Variants in TRIM5 observed in about 807,000 individuals in gnomAD.
TRIM5 encodes the protein tripartite motif containing 5.
A neutral mutation model predicts 35.6 loss-of-function variants in TRIM5; 31 were observed. That is an observed-to-expected ratio of 0.87 (90% CI 0.65 to 1.18). The LOEUF (loss-of-function observed/expected upper bound fraction) is 1.18. Among genes scored for constraint, TRIM5 ranks in the 50% most tolerant of loss-of-function variants. TRIM5 has a pLI of 0.00. For synonymous variants in TRIM5, 243 were observed against 215.6 expected (o/e 1.13, Z -1.11); for missense variants, 609 against 591.6 (o/e 1.03, Z -0.31).
chr11:5,671,703 T>C (rs190489182), intron 4 of TRIM5, among the ~76,000 whole-genome samples: 1 of 152,170 alleles, frequency 6.6e-6, no homozygotes, highest in East Asian at 1.9e-4. Context: ...AATGTAGCAA[T>C]GTACATGTAA....
chr11:5,631,973 C>A, the TRIM5 span, among the ~76,000 whole-genome samples: 1 of 152,168 alleles, frequency 6.6e-6, no homozygotes, highest in African/African-American at 2.4e-5. Flanking sequence ...TTTGTCTTAG[C>A]AGCCCTTCTG....
chr11:5,610,489 G>A, the TRIM5 span: 1 of 1,613,810 alleles, frequency 6.2e-7, no homozygotes, highest in Non-Finnish European at 8.5e-7. Flanking sequence ...CCAGACATGA[G>A]ACAGTTGGTC....
chr11:5,594,046 G>A, the TRIM5 span, among the ~76,000 whole-genome samples: 1 of 152,150 alleles, frequency 6.6e-6, no homozygotes, highest in Non-Finnish European at 1.5e-5. Context: ...GGACATTTGT[G>A]TACAAATCTT....
In TRIM5 at chr11:5,664,777, C is replaced by A. The variant is rs369543137; in HGVS notation, c.*32G>T. ...ATGAGATGCACCTGGACAAGAGGTG[C>A]TGTACAGAAGGGGCTGAGTGTGTAA... On this transcript the variant is annotated 3_prime_UTR_variant, in exon 8 of 8. Transcript: ENST00000380034. The A allele has an allele frequency of 4.1e-5, 63 of 1,541,154 alleles. No homozygotes were observed. The African/African-American group carries it at 8.0e-4, about 20-fold the overall frequency.
intron 4 of TRIM5, among the ~76,000 whole-genome samples, chr11:5,672,628 A>T (rs1163583161): frequency 1.3e-5 from 2 of 152,226 alleles, no homozygotes; most frequent in African/African-American, 2.4e-5. Flanking sequence ...AAATACTATA[A>T]AATGTGAGTT....
At chr11:5,614,761 A>T in the TRIM5 span, among the ~76,000 whole-genome samples, 1 of 152,366 alleles carries the variant, frequency 6.6e-6, no homozygotes, top group East Asian at 1.9e-4. Flanking sequence ...ATTCTAACTT[A>T]AAAATAATCT....
downstream of TRIM5, among the ~76,000 whole-genome samples, chr11:5,659,403 T>C (rs769202842): frequency 2.0e-5 from 3 of 152,202 alleles, no homozygotes; most frequent in Non-Finnish European, 4.4e-5. Context: ...TAACTCAGTG[T>C]CTTCCCCATC....
At chr11:5,682,732 A>C (rs960998256) in intron 1 of TRIM5, among the ~76,000 whole-genome samples, 4 of 152,184 alleles carry the variant, frequency 2.6e-5, no homozygotes, top group African/African-American at 7.2e-5. Flanking sequence ...CCAAACAAGA[A>C]AATCTCCACC....
At chr11:5,589,413 G>A in the TRIM5 span, 5 of 152,066 alleles carry the variant, frequency 3.3e-5, no homozygotes, top group African/African-American at 7.2e-5. Flanking sequence ...AAATAGACAT[G>A]TATTTGATGA....
chr11:5,644,484 G>A, the TRIM5 span: 11 of 380,088 alleles, frequency 2.9e-5, no homozygotes, highest in African/African-American at 1.7e-4. Context: ...CATTTTTCAA[G>A]TTCCCAGACT....
Position 5,664,858 on chromosome 11 carries a change from T to C in TRIM5, c.1433A>G (p.Asn478Ser). ...SFSQPVFPYL[N>S]PRKCGVPMTL... ...CATGGGGACTCCACATTTTCTAGGATTTAAATATGGAAATACAGGCTGAGA... is the reference window on the plus strand; with the variant it reads ...CATGGGGACTCCACATTTTCTAGGACTTAAATATGGAAATACAGGCTGAGA... Residue 478 changes from asparagine to serine, a missense_variant, in exon 8 of 8, where the codon AAT (asparagine) becomes AGT (serine). Coordinates refer to ENST00000380034, the MANE Select transcript of TRIM5 (RefSeq NM_033034.3). 1 of 1,612,230 alleles carries C rather than the reference T, an allele frequency of 6.2e-7. No homozygotes were observed. Among genetic ancestry groups the C allele is most frequent in the Non-Finnish European group, 8.5e-7 (1 of 1,179,352 alleles).
At chr11:5,620,167 C>CTTTTTTTTTTTTTTTTTTTTTTTTT in the TRIM5 span, 13 of 72,772 alleles carry the variant, frequency 1.8e-4, 1 homozygote, top group Non-Finnish European at 2.3e-4. Context: ...TTTCTTTCTT[C>CTTTTTTTTTTTTTTTTTTTTTTTTT]TTTTTTTTTT....
the TRIM5 span, chr11:5,590,980 T>G: frequency 5.6e-6 from 1 of 177,630 alleles, no homozygotes; most frequent in South Asian, 1.8e-4. Context: ...GGCTTCATTC[T>G]TGAAGTCAGA....
intron 1 of TRIM5, among the ~76,000 whole-genome samples, chr11:5,681,853 C>T (rs528875216): frequency 9.1e-6 from 1 of 109,432 alleles, no homozygotes; most frequent in Non-Finnish European, 1.7e-5. Flanking sequence ...GGCTGGAGTG[C>T]AATGGCACAA....
chr11:5,588,782 ATT>A, the TRIM5 span: 178 of 148,140 alleles, frequency 1.2e-3, no homozygotes, highest in East Asian at 0.016. Context: ...CTGCCCACAG[ATT>A]TTTTTTTTTT....
the TRIM5 span, chr11:5,596,789 A>G: frequency 6.4e-7 from 1 of 1,563,678 alleles, no homozygotes; most frequent in South Asian, 1.1e-5. Flanking sequence ...AAGCCGAGTG[A>G]GCGCGCTCTG....
intron 5 of TRIM5, 51 bp downstream of exon 5, chr11:5,667,638 T>A (rs1851243514): frequency 1.3e-6 from 2 of 1,596,894 alleles, no homozygotes; most frequent in Admixed American, 1.8e-5. Flanking sequence ...CTAATGGCTA[T>A]AAATCTCTCC....
At chr11:5,643,415 C>T in the TRIM5 span, 1 of 1,614,132 alleles carries the variant, frequency 6.2e-7, no homozygotes. Flanking sequence ...ACACCAAATA[C>T]AGACCTCTAT....
the TRIM5 span, among the ~76,000 whole-genome samples, chr11:5,638,219 G>GCTAAATATTC: frequency 6.6e-6 from 1 of 152,180 alleles, no homozygotes; most frequent in Admixed American, 6.5e-5. Flanking sequence ...AATAATATCA[G>GCTAAATATTC]TGAAGATAAT....
Sources: allele counts gnomAD v4.1 joint callset (sites outside exome capture counted in the v4.1 genomes callset), GRCh38; gene constraint gnomAD v4.1.1; transcripts MANE v1.5; gene names NCBI Gene and HGNC (gene_info 2026-07-23, HGNC 2026-07-21).